LRBA: variants seen among roughly 807,000 people sequenced by gnomAD.
LRBA encodes LPS responsive beige-like anchor protein, also known as lipopolysaccharide-responsive and beige-like anchor protein.
LRBA carries 176 observed loss-of-function variants against 330.0 expected under a neutral mutation model. The ratio of observed to expected loss-of-function variants is 0.53; its 90% CI spans 0.47 to 0.60. LRBA has a LOEUF of 0.60. Among genes scored for constraint, LRBA ranks in the 20% least tolerant of loss-of-function variants. The pLI, the probability that LRBA is intolerant of heterozygous loss-of-function variation, is 0.00. For synonymous variants in LRBA, 1,230 were observed against 1,193.0 expected (o/e 1.03, Z -0.64); for missense variants, 3,259 against 3,444.8 (o/e 0.95, Z 1.35).
intron 16 of LRBA, among the ~76,000 whole-genome samples, chr4:150,895,979 T>C (rs181527172): frequency 5.9e-5 from 9 of 152,342 alleles, no homozygotes; most frequent in Admixed American, 4.6e-4. Context: ...AACACATAAT[T>C]TTAAATACCA....
intron 40 of LRBA, among the ~76,000 whole-genome samples, chr4:150,491,461 A>G (rs959628928): frequency 1.3e-5 from 2 of 152,090 alleles, no homozygotes; most frequent in Admixed American, 6.6e-5. Context: ...AATTTGCCCA[A>G]TAATGCTTTT....
intron 34 of LRBA, among the ~76,000 whole-genome samples, chr4:150,772,905 G>C (rs1736779305): frequency 1.3e-5 from 2 of 152,040 alleles, no homozygotes; most frequent in African/African-American, 4.8e-5. Context: ...GGAATACGTT[G>C]CCTCTAAAAT....
rs113752841 is a variant in LRBA at position 150,398,722 on chromosome 4, G to A, written c.7194+16716C>T. On this transcript the variant is annotated intron_variant, in intron 47 of 56. Coordinates refer to ENST00000651943, the MANE Select transcript of LRBA (RefSeq NM_001364905.1). ...GCTCACTGCAGCCTCTACTTACTGGGCTCAAGTGATCATCCCACATCAGCC... is the reference window on the plus strand; with the variant it reads ...GCTCACTGCAGCCTCTACTTACTGGACTCAAGTGATCATCCCACATCAGCC... Among the ~76,000 whole-genome samples the A allele has an allele frequency of 1.8e-3, 273 of 151,982 alleles. 1 individual carries two copies. The highest frequency in any genetic ancestry group is 3.4e-3 in the Middle Eastern group (1 of 292).
At chr4:150,388,375 G>A (rs929179015) in intron 47 of LRBA, among the ~76,000 whole-genome samples, 6 of 152,270 alleles carry the variant, frequency 3.9e-5, no homozygotes, top group African/African-American at 7.2e-5. Context: ...TTTATCACAC[G>A]CAAAATGCAT....
At chr4:150,416,014 G>T (rs115384188) in intron 46 of LRBA, among the ~76,000 whole-genome samples, 28 of 152,186 alleles carry the variant, frequency 1.8e-4, no homozygotes, top group African/African-American at 6.3e-4. Flanking sequence ...CAATGTCTTG[G>T]TCTCTTCATC....
chr4:150,466,952 G>A (rs1325674253), intron 44 of LRBA, among the ~76,000 whole-genome samples: 1 of 152,038 alleles, frequency 6.6e-6, no homozygotes, highest in African/African-American at 2.4e-5. Context: ...CCCACTATAA[G>A]AGGTCCCACC....
At chr4:150,933,042 G>A (rs114216415) in intron 2 of LRBA, among the ~76,000 whole-genome samples, 3,080 of 152,100 alleles carry the variant, frequency 0.02, 49 homozygotes, top group Non-Finnish European at 0.035. Context: ...CTAACATAAT[G>A]ATGTTAGATA....
intron 52 of LRBA, among the ~76,000 whole-genome samples, chr4:150,309,228 A>G (rs1163178424): frequency 6.6e-5 from 10 of 152,176 alleles, no homozygotes; most frequent in Admixed American, 6.5e-4. Flanking sequence ...CCGTTGTGTT[A>G]TAATTGCCTA....
At chr4:150,897,193 A>T (rs1269608493) in intron 15 of LRBA, among the ~76,000 whole-genome samples, 1 of 152,008 alleles carries the variant, frequency 6.6e-6, no homozygotes, top group South Asian at 2.1e-4. Flanking sequence ...AGCATTATAA[A>T]ATCATATAGG....
At position 150,697,351 on chromosome 4, in the gene LRBA, A is replaced by AAAAC. The variant is rs1491393713; in HGVS notation, c.5755-13635_5755-13634insGTTT. Among the ~76,000 whole-genome samples, 25 of 148,086 alleles carry AAAAC rather than the reference A, an allele frequency of 1.7e-4. 1 individual carries two copies. Among genetic ancestry groups the AAAAC allele is most frequent in the Admixed American group, 5.4e-4 (8 of 14,850 alleles). On this transcript the variant is annotated intron_variant, in intron 36 of 56. Coordinates refer to ENST00000651943, the MANE Select transcript of LRBA (RefSeq NM_001364905.1). The stretch of plus-strand genomic sequence containing the variant: ...AAAAAAAAAAAAAAAAAAAAAAAAA[A>AAAAC]CAGGGAGAGTTTCACAGAGGAATTA...
chr4:151,004,967 G>A (rs889553829), intron 2 of LRBA, among the ~76,000 whole-genome samples: 2 of 152,096 alleles, frequency 1.3e-5, no homozygotes, highest in African/African-American at 4.8e-5. Context: ...CTCCAGCCTG[G>A]GCGACAGAGC....
intron 48 of LRBA, among the ~76,000 whole-genome samples, chr4:150,343,760 A>C (rs1735901748): frequency 6.6e-6 from 1 of 152,110 alleles, no homozygotes; most frequent in South Asian, 2.1e-4. Flanking sequence ...CTCTCTGTTC[A>C]ACTTTTTTCT....
In LRBA at chr4:150,499,062, A is replaced by T. The variant is rs145486488; in HGVS notation, c.6331-8027T>A. Reference sequence around the variant, plus strand: ...TGATCTTAAAATTAGAAAAAGGCTAAGAAAGCCATTTATCTAATTTAGGTA... The same window carrying T: ...TGATCTTAAAATTAGAAAAAGGCTATGAAAGCCATTTATCTAATTTAGGTA... On this transcript the variant is annotated intron_variant, in intron 40 of 56. Transcript: ENST00000651943. 7.4e-3 allele frequency among the ~76,000 whole-genome samples: 1,132 copies of T among 152,308 alleles called. 10 individuals carry two copies. Among genetic ancestry groups the T allele is most frequent in the Middle Eastern group, 0.017 (5 of 292 alleles).
At position 150,636,767 on chromosome 4, in the gene LRBA, C is replaced by G. The variant is rs72736356; in HGVS notation, c.5922-37636G>C. ...GGCTCAAGCGATCCTTCTGCCTCAG[C>G]CTCCCAAGTAATTGGCACCACAGAC... On this transcript the variant is annotated intron_variant, in intron 37 of 56. Transcript: ENST00000651943. 1.6e-3 allele frequency among the ~76,000 whole-genome samples: 243 copies of G among 152,302 alleles called. 1 individual carries two copies. The highest frequency in any genetic ancestry group is 3.7e-3 in the Admixed American group (56 of 15,294).
At chr4:150,893,854 T>C (rs1729764963) in intron 16 of LRBA, among the ~76,000 whole-genome samples, 1 of 151,982 alleles carries the variant, frequency 6.6e-6, no homozygotes, top group Non-Finnish European at 1.5e-5. Context: ...TTTTTGTATT[T>C]TTATTAGAGA....
intron 46 of LRBA, among the ~76,000 whole-genome samples, chr4:150,422,361 A>C (rs1748936457): frequency 6.6e-6 from 1 of 152,150 alleles, no homozygotes; most frequent in South Asian, 2.1e-4. Flanking sequence ...TGACTTCCAG[A>C]AGGTTTTCCC....
chr4:150,908,787 C>T lies in LRBA; in HGVS notation c.1232G>A (p.Gly411Glu), dbSNP rs1345867207. The T allele has an allele frequency of 5.0e-6, 8 of 1,613,754 alleles. No individual in the cohort carries two copies. Among genetic ancestry groups the T allele is most frequent in the Non-Finnish European group, 6.8e-6 (8 of 1,179,792 alleles). The change falls in exon 10 of 57, where the codon GGG becomes GAG. Residue 411 changes from glycine (G) to glutamate (E), a missense_variant. By Grantham distance (98) the Gly-to-Glu change is moderately conservative (BLOSUM62 -2). Coordinates refer to ENST00000651943, the MANE Select transcript of LRBA (RefSeq NM_001364905.1). Reference sequence around the variant, plus strand: ...GAATGCAATGGCACTAGAGAGTTTCCCATCGTACAATAAAAGTTTGTGATG... The same window carrying T: ...GAATGCAATGGCACTAGAGAGTTTCTCATCGTACAATAAAAGTTTGTGATG... Reference protein sequence around the residue: ...AEHHKLLLYDGKLSSAIAFTY... With the variant: ...AEHHKLLLYDEKLSSAIAFTY...
intron 2 of LRBA, among the ~76,000 whole-genome samples, chr4:150,930,335 T>C (rs1300634603): frequency 1.4e-5 from 2 of 144,338 alleles, no homozygotes; most frequent in African/African-American, 5.1e-5. Flanking sequence ...AACAAAAAAA[T>C]ACAAAAACTT....
chr4:150,477,272 C>T (rs1044282078), intron 42 of LRBA, among the ~76,000 whole-genome samples: 1 of 152,128 alleles, frequency 6.6e-6, no homozygotes, highest in Non-Finnish European at 1.5e-5. Flanking sequence ...ACCCAAATAT[C>T]ATGTCAAATT....
Sources: gnomAD v4.1 joint callset for allele counts (sites outside exome capture counted in the v4.1 genomes callset) on GRCh38, gnomAD v4.1.1 for gene constraint, MANE v1.5 for transcripts, NCBI Gene and HGNC (gene_info 2026-07-23, HGNC 2026-07-21) for gene names.